The following SRBD1 variants were observed in gnomAD, a reference collection of about 807,000 sequenced individuals.
SRBD1 encodes S1 RNA binding domain 1.
In SRBD1, 88 loss-of-function variants were observed where a neutral mutation model predicts 115.3. The ratio of observed to expected loss-of-function variants is 0.76; its 90% CI spans 0.64 to 0.91. The LOEUF is 0.91. SRBD1 is among the 40% of genes least tolerant of loss of function. The pLI is 0.00. For synonymous variants in SRBD1, 509 were observed against 407.7 expected (o/e 1.25, Z -2.99); for missense variants, 1,385 against 1,177.4 (o/e 1.18, Z -2.58).
chr2:45,555,519 C>A (rs1480838666), intron 10 of SRBD1, among the ~76,000 whole-genome samples: 1 of 134,208 alleles, frequency 7.5e-6, no homozygotes, highest in Non-Finnish European at 1.5e-5. Flanking sequence ...GAGACGGAGT[C>A]CTGCTCTGTC....
intron 7 of SRBD1, among the ~76,000 whole-genome samples, chr2:45,577,989 G>A (rs1156236499): frequency 6.6e-6 from 1 of 152,138 alleles, no homozygotes; most frequent in Non-Finnish European, 1.5e-5. Flanking sequence ...ATTATAAGAA[G>A]TATCACCAAG....
intron 4 of SRBD1, among the ~76,000 whole-genome samples, chr2:45,589,252 G>A: frequency 6.6e-6 from 1 of 152,130 alleles, no homozygotes. Context: ...CTTCCCTCTT[G>A]AGAGGCCTTC....
At chr2:45,537,798 C>T (rs1671811009) in intron 14 of SRBD1, among the ~76,000 whole-genome samples, 2 of 152,092 alleles carry the variant, frequency 1.3e-5, no homozygotes, top group Admixed American at 6.6e-5. Context: ...CACATATGCT[C>T]CCAGAGTATG....
chr2:45,567,208 A>T (rs867854719), intron 9 of SRBD1, among the ~76,000 whole-genome samples: 1 of 152,198 alleles, frequency 6.6e-6, no homozygotes, highest in Non-Finnish European at 1.5e-5. Flanking sequence ...TAAATATCAA[A>T]CAAATTGTCA....
intron 14 of SRBD1, among the ~76,000 whole-genome samples, chr2:45,503,715 A>T (rs1036905658): frequency 2.0e-5 from 3 of 152,202 alleles, no homozygotes; most frequent in Non-Finnish European, 4.4e-5. Context: ...AATGTAAAAT[A>T]TGTTTGATTC....
Position 45,573,763 on chromosome 2 carries a change from C to T in SRBD1, c.1170-421G>A, listed in dbSNP as rs1330096913. Among the ~76,000 whole-genome samples, 4 of 152,138 alleles carry T rather than the reference C, an allele frequency of 2.6e-5. No individual in the cohort carries two copies. The East Asian group carries it at 5.8e-4, about 22-fold the overall frequency. ...CAGCTTCCAATAACAATTTATAATA[C>T]TGAACCAAATTTAAGTGGCATAATT... On this transcript the variant is annotated intron_variant, in intron 8 of 20. Transcript: ENST00000263736.
At chr2:45,390,360 T>G (rs1489831725) in intron 20 of SRBD1, among the ~76,000 whole-genome samples, 1 of 152,192 alleles carries the variant, frequency 6.6e-6, no homozygotes, top group Non-Finnish European at 1.5e-5. Flanking sequence ...AGCCCTTTTT[T>G]CTTGCTCACC....
chr2:45,596,569 C>G (rs1673900598), intron 4 of SRBD1, among the ~76,000 whole-genome samples: 2 of 152,088 alleles, frequency 1.3e-5, no homozygotes, highest in Admixed American at 1.3e-4. Context: ...TTTTTCTGAA[C>G]AAACAAAACT....
Position 45,546,071 on chromosome 2 carries a change from G to T in SRBD1, c.1874+661C>A, listed in dbSNP as rs112978518. On this transcript the variant is annotated intron_variant, in intron 14 of 20. Transcript: ENST00000263736. ...TCTCTCCTAGAATTAAATCCTTTAG[G>T]ACTTAATATTCTACTATAGTTTGGA... is the stretch of plus-strand genomic sequence containing the variant. The T allele has an allele frequency of 9.4e-5, 69 of 734,874 alleles. No homozygotes were observed. In the African/African-American group the frequency reaches 1.0e-3, roughly 11 times the overall value. 45.5% of individuals were successfully genotyped at this position (734,874 alleles called of 1,614,324 possible). A position where few individuals can be genotyped will look rare whatever the true frequency, so the allele number is the denominator to read the frequency against.
intron 16 of SRBD1, among the ~76,000 whole-genome samples, chr2:45,445,550 TAAAAAAAAAA>T (rs59451865): frequency 2.5e-3 from 94 of 37,048 alleles, no homozygotes; most frequent in African/African-American, 5.7e-3. Context: ...TTCCCAGAGG[TAAAAAAAAAA>T]AAAAAAAAAA....
intron 14 of SRBD1, among the ~76,000 whole-genome samples, chr2:45,502,735 G>GA (rs1670674842): frequency 6.6e-6 from 1 of 151,894 alleles, no homozygotes; most frequent in African/African-American, 2.4e-5. Flanking sequence ...TGTAAATGAT[G>GA]AGTTAAGTGG....
intron 16 of SRBD1, among the ~76,000 whole-genome samples, chr2:45,435,888 G>A (rs1261845117): frequency 6.6e-6 from 1 of 152,138 alleles, no homozygotes; most frequent in Non-Finnish European, 1.5e-5. Flanking sequence ...TAGAAGCGGA[G>A]GGAATACTTC....
intron 14 of SRBD1, among the ~76,000 whole-genome samples, chr2:45,519,616 C>A (rs558050313): frequency 1.3e-5 from 2 of 152,200 alleles, no homozygotes; most frequent in African/African-American, 2.4e-5. Context: ...ATTCCGACAA[C>A]TGCAGTGTTT....
intron 14 of SRBD1, among the ~76,000 whole-genome samples, chr2:45,500,089 A>G (rs564840153): frequency 6.6e-6 from 1 of 152,274 alleles, no homozygotes; most frequent in African/African-American, 2.4e-5. Context: ...TTTGGGTAGT[A>G]AAGACATTTT....
chr2:45,546,887 G>A (rs771856345), intron 13 of SRBD1, 48 bp from the exon 14 acceptor site: 1 of 1,547,834 alleles, frequency 6.5e-7, no homozygotes, highest in Non-Finnish European at 8.9e-7. Context: ...GGCATGCTTT[G>A]AAATCAGCTG....
intron 6 of SRBD1, among the ~76,000 whole-genome samples, chr2:45,580,676 C>CG (rs1673330836): frequency 1.3e-5 from 1 of 76,350 alleles, no homozygotes; most frequent in African/African-American, 6.3e-5. Flanking sequence ...TCTTCTACTT[C>CG]TTTTTTTTTT....
At chr2:45,521,722 T>C (rs1671288560) in intron 14 of SRBD1, among the ~76,000 whole-genome samples, 1 of 152,092 alleles carries the variant, frequency 6.6e-6, no homozygotes, top group Admixed American at 6.6e-5. Flanking sequence ...ATCCCAGCAC[T>C]TTAGGTGGCC....
At chr2:45,443,837 C>A (rs553090223) in intron 16 of SRBD1, among the ~76,000 whole-genome samples, 2 of 150,476 alleles carry the variant, frequency 1.3e-5, no homozygotes, top group Non-Finnish European at 3.0e-5. Flanking sequence ...TGATAACTAC[C>A]CACTAGTTTT....
chr2:45,582,858 G>A (rs959140344), intron 5 of SRBD1, among the ~76,000 whole-genome samples: 1 of 152,092 alleles, frequency 6.6e-6, no homozygotes, highest in Non-Finnish European at 1.5e-5. Context: ...GAGTATCACT[G>A]CTCAGGATGG....
Sources: allele counts gnomAD v4.1 joint callset (sites outside exome capture counted in the v4.1 genomes callset), GRCh38; gene constraint gnomAD v4.1.1; transcripts MANE v1.5; gene names NCBI Gene and HGNC (gene_info 2026-07-23, HGNC 2026-07-21).